CRYBG3: variants seen among roughly 807,000 people sequenced by gnomAD.
CRYBG3 encodes the protein crystallin beta-gamma domain containing 3, also known as very large A-kinase anchor protein.
A neutral mutation model predicts 244.2 loss-of-function variants in CRYBG3; 127 were observed. That is an observed-to-expected ratio of 0.52 (90% CI 0.45 to 0.60). The LOEUF (loss-of-function observed/expected upper bound fraction) is 0.60, where lower values mean the gene tolerates loss of function less well. Ranked by LOEUF, CRYBG3 falls within the 20% of genes least tolerant of loss-of-function variation. The probability of loss-of-function intolerance (pLI) is 0.00; values close to 1 mark genes in which losing one functional copy is unlikely to be tolerated. For synonymous variants in CRYBG3, 1,132 were observed against 1,195.8 expected, an observed-to-expected ratio of 0.95 and a Z score of 1.10; for missense variants, 3,325 against 3,442.5, an observed-to-expected ratio of 0.97 and a Z score of 0.85.
chr3:97,877,217 A>G lies in CRYBG3; in HGVS notation c.6023A>G (p.Gln2008Arg), dbSNP rs1313415165. ...ACTATATTATACGAAGAGCCCCTTC[A>G]AGAGGAGGACAAGTATGCTTCCGCA... Reference protein sequence around the residue: ...SFTILYEEPLQEEDKYASAEA... With the variant: ...SFTILYEEPLREEDKYASAEA... Residue 2008 changes from glutamine to arginine, a missense_variant, in exon 4 of 22, where the codon CAA (glutamine) becomes CGA (arginine). Physicochemically the swap from Gln to Arg is conservative, Grantham distance 43 (BLOSUM62 1). Around this residue, in one of 4 missense-constraint regions of CRYBG3, gnomAD observed 450 missense variants for 424.1 expected, o/e 1.06. Transcript: ENST00000389622. 1 of 1,614,078 alleles carries G rather than the reference A, an allele frequency of 6.2e-7. No homozygotes were observed. The highest frequency in any genetic ancestry group is 1.3e-5 in the African/African-American group (1 of 75,068).
rs1351671316 is a variant in CRYBG3, at chr3:97,873,846, A to C, written c.2652A>C (p.Lys884Asn). 5.2e-6 allele frequency: 8 copies of C among 1,535,114 alleles called. No homozygotes were observed. The highest frequency in any genetic ancestry group is 7.0e-6 in the Non-Finnish European group (8 of 1,146,588). ...CCTTTCTAGAAGTTGAACAGGGCAAACGTTTTCAATCAATTAATCATAATG... is the reference window on the plus strand; with the variant it reads ...CCTTTCTAGAAGTTGAACAGGGCAACCGTTTTCAATCAATTAATCATAATG... ...ELTFLEVEQG[K>N]RFQSINHNEI... Residue 884 changes from lysine to asparagine, a missense_variant, in exon 4 of 22, where the codon AAA (lysine) becomes AAC (asparagine). Transcript: ENST00000389622.
chr3:97,870,908 G>T (rs2108211657), intron 3 of CRYBG3, among the ~76,000 whole-genome samples: 1 of 94,186 alleles, frequency 1.1e-5, no homozygotes, highest in Non-Finnish European at 2.9e-5. Context: ...TGTGACAAAT[G>T]TTGTGCTCTG....
intron 2 of CRYBG3, among the ~76,000 whole-genome samples, chr3:97,859,894 T>C (rs1418403958): frequency 6.6e-6 from 1 of 152,190 alleles, no homozygotes; most frequent in Non-Finnish European, 1.5e-5. Flanking sequence ...AATTATATTG[T>C]TCTCTTCATA....
In CRYBG3 at chr3:97,874,139, A is replaced by G. The variant is rs1467176116; in HGVS notation, c.2945A>G (p.His982Arg). ...TGTGGGACTAAAAAGATTTCTGGTC[A>G]CTCAGAAATGGCGGAACTCAGCTTA... ...DICGTKKISG[H>R]SEMAELSLTN... The change falls in exon 4 of 22, where the codon CAC (histidine) becomes CGC (arginine). Residue 982 changes from histidine (H) to arginine (R), a missense_variant. Physicochemically the swap from His to Arg is conservative, Grantham distance 29. This residue lies in a region of CRYBG3 where 1,526 missense variants were observed against 1,443.2 expected (regional missense o/e 1.06). Coordinates refer to ENST00000389622, the MANE Select transcript of CRYBG3 (RefSeq NM_153605.4). The G allele has an allele frequency of 4.6e-6, 7 of 1,533,584 alleles. No homozygotes were observed. The highest frequency in any genetic ancestry group is 6.1e-6 in the Non-Finnish European group (7 of 1,146,262). 95.0% of individuals were successfully genotyped at this position (1,533,584 alleles called of 1,614,324 possible). A position where few individuals can be genotyped will look rare whatever the true frequency, so the allele number is the denominator to read the frequency against.
rs561131163 is a variant in CRYBG3 at position 97,888,421 on chromosome 3, C to T, written c.7370C>T (p.Thr2457Ile). 3.9e-5 allele frequency: 63 copies of T among 1,611,616 alleles called. No individual in the cohort carries two copies. In the South Asian group the frequency reaches 6.5e-4, roughly 17 times the overall value. ...EEDHGLFEIS[T>I]AEMKSLHPLQ... Reference sequence around the variant, plus strand: ...GACCATGGGCTCTTTGAGATTTCTACAGCAGAAATGAAATCATTACATCCG... The same window carrying T: ...GACCATGGGCTCTTTGAGATTTCTATAGCAGAAATGAAATCATTACATCCG... Residue 2457 changes from threonine to isoleucine, a missense_variant, in exon 9 of 22, where the codon ACA becomes ATA. Thr to Ile is a moderately conservative substitution (Grantham distance 89, BLOSUM62 -1). This residue lies in a region of CRYBG3 where 714 missense variants were observed against 803.6 expected (regional missense o/e 0.89). Transcript: ENST00000389622.
chr3:97,908,540 G>A (rs1373899325), intron 15 of CRYBG3, among the ~76,000 whole-genome samples: 2 of 152,116 alleles, frequency 1.3e-5, no homozygotes, highest in African/African-American at 4.8e-5. Context: ...TTGGTTTAAA[G>A]TCTGTTTTAT....
At position 97,872,098 on chromosome 3, in the gene CRYBG3, GA is replaced by G; in HGVS notation, c.906del (p.Asp303ThrfsTer15). 1 of 1,535,974 alleles carries G rather than the reference GA, an allele frequency of 6.5e-7. No individual in the cohort carries two copies. The highest frequency in any genetic ancestry group is 8.7e-7 in the Non-Finnish European group (1 of 1,146,812). On this transcript the variant is annotated frameshift_variant, in exon 4 of 22. Coordinates refer to ENST00000389622, the MANE Select transcript of CRYBG3 (RefSeq NM_153605.4). LOFTEE classifies it high-confidence loss of function. ...AGGAAATCTACTTGAAGGCCCATTA[GA>G]AGACTCTGATTGTAGCAAAACAAGT... Reference protein sequence around the residue: ...MKGNLLEGPLEDSDCSKTSFN... With the variant: ...MKGNLLEGPLXDSDCSKTSFN...
chr3:97,850,981 A>T (rs2038977416), intron 2 of CRYBG3, among the ~76,000 whole-genome samples: 1 of 152,072 alleles, frequency 6.6e-6, no homozygotes, highest in African/African-American at 2.4e-5. Flanking sequence ...AAAATAAAAA[A>T]ATTAGTTGGG....
At position 97,872,615 on chromosome 3, in the gene CRYBG3, G is replaced by A. The variant is rs529405282; in HGVS notation, c.1421G>A (p.Cys474Tyr). Reference protein sequence around the residue: ...HEHLQLPESECSDKQTIDSSS... With the variant: ...HEHLQLPESEYSDKQTIDSSS... Reference sequence around the variant, plus strand: ...CATCTGCAGTTGCCAGAGAGTGAGTGTTCTGACAAGCAAACCATAGATAGC... The same window carrying A: ...CATCTGCAGTTGCCAGAGAGTGAGTATTCTGACAAGCAAACCATAGATAGC... The change falls in exon 4 of 22, where the codon TGT becomes TAT. Residue 474 changes from cysteine (C) to tyrosine (Y), a missense_variant. Cys to Tyr is a radical substitution (Grantham distance 194, BLOSUM62 -2). Transcript: ENST00000389622. The A allele has an allele frequency of 8.8e-5, 135 of 1,535,934 alleles. 1 individual carries two copies. The South Asian group carries it at 1.2e-3, about 14-fold the overall frequency.
At chr3:97,854,390 A>G (rs1205496728) in intron 2 of CRYBG3, among the ~76,000 whole-genome samples, 1 of 151,944 alleles carries the variant, frequency 6.6e-6, no homozygotes, top group Admixed American at 6.6e-5. Flanking sequence ...ATGAAGAATG[A>G]TGGTGGTATT....
intron 15 of CRYBG3, among the ~76,000 whole-genome samples, chr3:97,903,737 T>C (rs776170061): frequency 3.3e-5 from 5 of 152,168 alleles, no homozygotes; most frequent in Non-Finnish European, 7.4e-5. Flanking sequence ...TTACCACATA[T>C]TGTTAGTATA....
chr3:97,847,777 T>A (rs2038924982), intron 2 of CRYBG3, among the ~76,000 whole-genome samples: 1 of 152,220 alleles, frequency 6.6e-6, no homozygotes, highest in African/African-American at 2.4e-5. Flanking sequence ...TGACTAATCA[T>A]GCAACTTTGT....
chr3:97,841,377 A>C (rs2038816164), intron 1 of CRYBG3, among the ~76,000 whole-genome samples: 3 of 151,334 alleles, frequency 2.0e-5, no homozygotes, highest in Admixed American at 2.0e-4. Context: ...GTTGACATTT[A>C]GAAGCTTTAA....
Position 97,893,025 on chromosome 3 carries a change from T to C in CRYBG3, c.7574+32T>C, listed in dbSNP as rs1252868625. 5 of 1,575,232 alleles carry C rather than the reference T, an allele frequency of 3.2e-6. No homozygotes were observed. In the South Asian group the frequency reaches 6.0e-5, roughly 19 times the overall value. On this transcript the variant is annotated intron_variant, in intron 11 of 21. Coordinates refer to ENST00000389622, the MANE Select transcript of CRYBG3 (RefSeq NM_153605.4). Reference sequence around the variant, plus strand: ...ATCATATTTTTAACATTTGCACAAGTAGTCTGTTTTTGAAGGTCAGCACAA... The same window carrying C: ...ATCATATTTTTAACATTTGCACAAGCAGTCTGTTTTTGAAGGTCAGCACAA...
chr3:97,872,877 A>G lies in CRYBG3; in HGVS notation c.1683A>G (p.Gln561=), dbSNP rs1202785282. The G allele has an allele frequency of 1.7e-5, 26 of 1,533,638 alleles. No individual in the cohort carries two copies. Among genetic ancestry groups the G allele is most frequent in the Non-Finnish European group, 2.1e-5 (24 of 1,146,332 alleles). Residue 561 remains glutamine, a synonymous_variant, in exon 4 of 22, where the codon CAA becomes CAG. Coordinates refer to ENST00000389622, the MANE Select transcript of CRYBG3 (RefSeq NM_153605.4). ...AGTCATTACCCAAAGATACTGACCA[A>G]TACTTTGAAACCAAAGCCAAAAAGC... The part of the protein sequence containing the change: ...KIESLPKDTD[Q]YFETKAKKLD...
At chr3:97,904,961 T>A (rs1201565520) in intron 15 of CRYBG3, among the ~76,000 whole-genome samples, 1 of 148,918 alleles carries the variant, frequency 6.7e-6, no homozygotes, top group African/African-American at 2.5e-5. Flanking sequence ...ATTGTTCAGT[T>A]CCCACCTATG....
chr3:97,838,455 G>A (rs2038766148), intron 1 of CRYBG3, among the ~76,000 whole-genome samples: 1 of 152,078 alleles, frequency 6.6e-6, no homozygotes, highest in South Asian at 2.1e-4. Flanking sequence ...GGTAAAGGGT[G>A]ATTTGTAGCT....
chr3:97,888,315 TTAAC>T lies in CRYBG3; in HGVS notation c.7290-19_7290-16del, dbSNP rs762450818. ...CAGACTAAAGCAGTACTATTATACT[TTAAC>T]TAACTATCTATTTTTATATAGTTGG... On this transcript the variant is annotated intron_variant, in intron 8 of 21. Transcript: ENST00000389622. The T allele has an allele frequency of 5.4e-5, 76 of 1,397,900 alleles. No homozygotes were observed. In the Admixed American group the frequency reaches 7.1e-4, roughly 13 times the overall value. The allele number at this position is 1,397,900 out of a possible 1,614,324, so 86.6% of individuals were successfully genotyped here.
chr3:97,835,715 G>T (rs1157957984), intron 1 of CRYBG3, among the ~76,000 whole-genome samples: 3 of 152,170 alleles, frequency 2.0e-5, no homozygotes, highest in Admixed American at 1.3e-4. Context: ...AAGGATTTCA[G>T]TTGGGGGGGA....
Sources: allele counts gnomAD v4.1 joint callset (sites outside exome capture counted in the v4.1 genomes callset), GRCh38; gene constraint gnomAD v4.1.1; regional missense constraint gnomAD v4.1.1; transcripts MANE v1.5; gene names NCBI Gene and HGNC (gene_info 2026-07-23, HGNC 2026-07-21).